Variants in METTL25 observed in about 807,000 individuals in gnomAD.
The protein encoded by METTL25 is methyltransferase like 25.
A neutral mutation model predicts 71.6 loss-of-function variants in METTL25; 64 were observed. The observed-to-expected ratio is 0.89, with a 90% CI of 0.73 to 1.10. METTL25 has a LOEUF of 1.10. Among genes scored for constraint, METTL25 ranks in the 50% least tolerant of loss-of-function variants. The pLI is 0.00. For synonymous variants in METTL25, 287 were observed against 250.3 expected, an observed-to-expected ratio of 1.15 and a Z score of -1.38; for missense variants, 807 against 707.0, an observed-to-expected ratio of 1.14 and a Z score of -1.60.
intron 5 of METTL25, among the ~76,000 whole-genome samples, chr12:82,422,131 C>T (rs1472804080): frequency 1.3e-5 from 2 of 152,172 alleles, no homozygotes; most frequent in South Asian, 2.1e-4. Context: ...TGATGAACAT[C>T]AATGCAAAAA....
intron 5 of METTL25, among the ~76,000 whole-genome samples, chr12:82,407,493 C>T (rs931016430): frequency 2.0e-5 from 3 of 152,124 alleles, no homozygotes; most frequent in Non-Finnish European, 2.9e-5. Flanking sequence ...AAATATCTTA[C>T]CCATCAAGAA....
intron 8 of METTL25, among the ~76,000 whole-genome samples, chr12:82,455,895 G>A (rs960378156): frequency 1.3e-5 from 2 of 151,892 alleles, no homozygotes; most frequent in East Asian, 3.9e-4. Flanking sequence ...AGAGACTTCA[G>A]TTTTAGAGGT....
chr12:82,376,399 A>AGCTG (rs1883859952), intron 1 of METTL25, among the ~76,000 whole-genome samples: 1 of 152,184 alleles, frequency 6.6e-6, no homozygotes. Flanking sequence ...CTGCAAGTCA[A>AGCTG]GCTGTTCTTC....
intron 8 of METTL25, among the ~76,000 whole-genome samples, chr12:82,452,681 C>T (rs557054228): frequency 6.6e-6 from 1 of 152,238 alleles, no homozygotes; most frequent in African/African-American, 2.4e-5. Flanking sequence ...AAATACCAAG[C>T]CTTCTAGAAA....
intron 1 of METTL25, among the ~76,000 whole-genome samples, chr12:82,373,080 C>A (rs376722998): frequency 6.6e-6 from 1 of 152,232 alleles, no homozygotes; most frequent in African/African-American, 2.4e-5. Context: ...CAAGAAAAAT[C>A]GGATTTAGTG....
intron 1 of METTL25, among the ~76,000 whole-genome samples, chr12:82,368,280 C>T (rs1425377695): frequency 6.6e-6 from 1 of 152,176 alleles, no homozygotes; most frequent in Non-Finnish European, 1.5e-5. Flanking sequence ...ACTTGTGTGG[C>T]TTAGAAACAC....
intron 8 of METTL25, chr12:82,439,766 G>T: frequency 3.6e-5 from 17 of 478,664 alleles, no homozygotes; most frequent in Non-Finnish European, 4.6e-5. Flanking sequence ...TTTACCCTAA[G>T]ATGCTAACCT....
At chr12:82,461,983 G>A (rs1040521331) in intron 9 of METTL25, among the ~76,000 whole-genome samples, 1 of 152,308 alleles carries the variant, frequency 6.6e-6, no homozygotes, top group Middle Eastern at 3.4e-3. Context: ...ATGACTCAGA[G>A]CCCACTAAGT....
chr12:82,423,631 G>T (rs552182597), intron 5 of METTL25, among the ~76,000 whole-genome samples: 206 of 152,234 alleles, frequency 1.4e-3, no homozygotes, highest in African/African-American at 4.8e-3. Context: ...GAAAATTTTT[G>T]CAATCTACTC....
intron 6 of METTL25, among the ~76,000 whole-genome samples, chr12:82,434,061 G>T (rs1889732291): frequency 1.3e-5 from 2 of 150,546 alleles, no homozygotes; most frequent in Admixed American, 6.6e-5. Flanking sequence ...AAAATATTTT[G>T]GATTTTAAAT....
chr12:82,358,973 G>A (rs1353997252), intron 1 of METTL25, 149 bp downstream of exon 1: 1 of 786,048 alleles, frequency 1.3e-6, no homozygotes, highest in East Asian at 2.7e-5. Context: ...GGTCGGATTA[G>A]TTGAGGGGTG....
chr12:82,393,525 C>A (rs975162570), intron 3 of METTL25, among the ~76,000 whole-genome samples: 1 of 151,706 alleles, frequency 6.6e-6, no homozygotes, highest in African/African-American at 2.4e-5. Context: ...GTTTTTTGAT[C>A]GAGTCAGTTT....
chr12:82,423,052 A>T (rs1008808693), intron 5 of METTL25, among the ~76,000 whole-genome samples: 1 of 152,310 alleles, frequency 6.6e-6, no homozygotes, highest in Non-Finnish European at 1.5e-5. Context: ...ACTAAAGTTC[A>T]TATGGAACCA....
At chr12:82,375,036 A>G (rs1435278705) in intron 1 of METTL25, among the ~76,000 whole-genome samples, 2 of 152,222 alleles carry the variant, frequency 1.3e-5, no homozygotes, top group Admixed American at 1.3e-4. Flanking sequence ...ATCAAAGGTA[A>G]TTCCAAGATT....
At chr12:82,461,634 G>T (rs765268618) in intron 9 of METTL25, among the ~76,000 whole-genome samples, 4 of 151,692 alleles carry the variant, frequency 2.6e-5, no homozygotes, top group Non-Finnish European at 5.9e-5. Context: ...AAAATAAAGA[G>T]AAAATTCATG....
intron 5 of METTL25, among the ~76,000 whole-genome samples, chr12:82,429,224 C>T (rs1317049285): frequency 6.6e-6 from 1 of 151,746 alleles, no homozygotes; most frequent in African/African-American, 2.4e-5. Flanking sequence ...CTCCCAGCCT[C>T]AAGTAACTGT....
chr12:82,431,268 CA>C (rs1889478949), intron 6 of METTL25, among the ~76,000 whole-genome samples: 1 of 151,278 alleles, frequency 6.6e-6, no homozygotes, highest in South Asian at 2.1e-4. Context: ...TTCTTTATAG[CA>C]GATCGTTTGG....
intron 8 of METTL25, among the ~76,000 whole-genome samples, chr12:82,451,855 G>T (rs962521543): frequency 2.0e-5 from 3 of 152,184 alleles, no homozygotes; most frequent in African/African-American, 7.2e-5. Flanking sequence ...ATATTAATAT[G>T]TTTAAATGTT....
chr12:82,379,037 A>G (rs1884167660), intron 1 of METTL25, among the ~76,000 whole-genome samples: 1 of 149,144 alleles, frequency 6.7e-6, no homozygotes, highest in Non-Finnish European at 1.5e-5. Flanking sequence ...TTCTCAAAAG[A>G]CAACAACAGC....
Sources: gnomAD v4.1 joint callset for allele counts (sites outside exome capture counted in the v4.1 genomes callset) on GRCh38, gnomAD v4.1.1 for gene constraint, MANE v1.5 for transcripts, NCBI Gene and HGNC (gene_info 2026-07-23, HGNC 2026-07-21) for gene names.